Variants in MECOM observed in about 807,000 individuals in gnomAD.
MECOM encodes histone-lysine N-methyltransferase MECOM.
Under a neutral mutation model 116.3 loss-of-function variants are expected in MECOM, and 13 were observed. The observed-to-expected ratio is 0.11, with a 90% CI of 0.07 to 0.18. The LOEUF is 0.18. Among genes scored for constraint, MECOM ranks in the 10% least tolerant of loss-of-function variants. The pLI, the probability that MECOM is intolerant of heterozygous loss-of-function variation, is 1.00. For missense variants in MECOM, 1,299 were observed against 1,509.0 expected (o/e 0.86, Z 2.31); for synonymous variants, 528 against 535.2 (o/e 0.99, Z 0.19).
chr3:169,385,397 C>A (rs1835374), intron 1 of MECOM, among the ~76,000 whole-genome samples: 48,907 of 151,806 alleles, frequency 0.32, 8,209 homozygotes, highest in East Asian at 0.5. Context: ...AACTCACGGA[C>A]CTATTCATCC....
At chr3:169,577,208 C>T (rs1965030) in intron 1 of MECOM, among the ~76,000 whole-genome samples, 9,998 of 152,172 alleles carry the variant, frequency 0.066, 712 homozygotes, top group African/African-American at 0.18. Context: ...AATGAGTTAA[C>T]GTATAAAGAA....
chr3:169,561,572 T>C (rs1481050160), intron 1 of MECOM, among the ~76,000 whole-genome samples: 3 of 152,104 alleles, frequency 2.0e-5, no homozygotes, highest in Non-Finnish European at 4.4e-5. Flanking sequence ...ATAGCAGTAG[T>C]GTAAAAATAT....
At chr3:169,378,459 AAGC>A (rs1560196887) in intron 2 of MECOM, among the ~76,000 whole-genome samples, 7,452 of 59,896 alleles carry the variant, frequency 0.12, 1,292 homozygotes, top group African/African-American at 0.17. Flanking sequence ...GAAGGAAAGC[AAGC>A]AAGCAAGCAA....
intron 1 of MECOM, among the ~76,000 whole-genome samples, chr3:169,524,928 G>A (rs1217450205): frequency 1.1e-4 from 16 of 151,224 alleles, no homozygotes; most frequent in Non-Finnish European, 1.5e-5. Context: ...ATAGCCTGAA[G>A]AACTCTTAGG....
At chr3:169,385,605 A>C (rs962886731) in intron 1 of MECOM, among the ~76,000 whole-genome samples, 1 of 152,244 alleles carries the variant, frequency 6.6e-6, no homozygotes, top group Non-Finnish European at 1.5e-5. Flanking sequence ...CAGCAAATGC[A>C]GTTTATCACA....
chr3:169,155,822 T>C (rs1741880645), intron 2 of MECOM, among the ~76,000 whole-genome samples: 1 of 152,108 alleles, frequency 6.6e-6, no homozygotes, highest in African/African-American at 2.4e-5. Flanking sequence ...AGGTAGGTCC[T>C]TCACTTCTCT....
chr3:169,161,973 T>C (rs2149350255), intron 2 of MECOM, among the ~76,000 whole-genome samples: 1 of 152,324 alleles, frequency 6.6e-6, no homozygotes, highest in East Asian at 1.9e-4. Context: ...GATGAGACCC[T>C]GGACCACAAC....
intron 1 of MECOM, among the ~76,000 whole-genome samples, chr3:169,550,612 C>T (rs968942689): frequency 9.9e-5 from 15 of 152,174 alleles, no homozygotes; most frequent in African/African-American, 3.4e-4. Context: ...TGGGCAGCAA[C>T]AGAACAAAAT....
intron 1 of MECOM, among the ~76,000 whole-genome samples, chr3:169,584,398 T>C (rs1259963656): frequency 7.9e-5 from 12 of 151,278 alleles, no homozygotes; most frequent in Admixed American, 3.9e-4. Context: ...ACCCCGTCTC[T>C]ACTAAAAATA....
chr3:169,454,826 A>G lies in MECOM; in HGVS notation c.38-73302T>C, dbSNP rs181955496. On this transcript the variant is annotated intron_variant, in intron 1 of 16. Transcript: ENST00000651503. ...TAGCATGGCAAAAAACTCAAATAATAATAAGTCCCATAACTAATTATAAAG... is the reference window on the plus strand; with the variant it reads ...TAGCATGGCAAAAAACTCAAATAATGATAAGTCCCATAACTAATTATAAAG... Among the ~76,000 whole-genome samples, 248 of 152,336 alleles carry G rather than the reference A, an allele frequency of 1.6e-3. 3 individuals are homozygous for G. The highest frequency in any genetic ancestry group is 5.1e-3 in the African/African-American group (214 of 41,590).
At chr3:169,313,560 G>A (rs1719187725) in intron 2 of MECOM, among the ~76,000 whole-genome samples, 1 of 152,206 alleles carries the variant, frequency 6.6e-6, no homozygotes, top group African/African-American at 2.4e-5. Context: ...AGGACACCAA[G>A]GACAGAGTGA....
intron 1 of MECOM, among the ~76,000 whole-genome samples, chr3:169,475,361 T>G (rs185469038): frequency 6.6e-6 from 1 of 152,258 alleles, no homozygotes; most frequent in African/African-American, 2.4e-5. Flanking sequence ...ACGGTTGAAG[T>G]GTTTTTTTAA....
chr3:169,615,564 C>T (rs921989978), intron 1 of MECOM, among the ~76,000 whole-genome samples: 1 of 152,188 alleles, frequency 6.6e-6, no homozygotes, highest in Non-Finnish European at 1.5e-5. Flanking sequence ...TTACTCCTCA[C>T]ACACACACCT....
At chr3:169,529,372 T>C (rs1365634509) in intron 1 of MECOM, among the ~76,000 whole-genome samples, 1 of 152,238 alleles carries the variant, frequency 6.6e-6, no homozygotes, top group Non-Finnish European at 1.5e-5. Flanking sequence ...TTGAGGGACC[T>C]TCCCCTATTC....
intron 1 of MECOM, among the ~76,000 whole-genome samples, chr3:169,411,913 C>G (rs1469681302): frequency 1.3e-5 from 2 of 152,040 alleles, no homozygotes; most frequent in South Asian, 2.1e-4. Context: ...ATCGCTTGAA[C>G]CCGGGAGGCA....
At chr3:169,427,714 G>A (rs1010745484) in intron 1 of MECOM, among the ~76,000 whole-genome samples, 1 of 152,214 alleles carries the variant, frequency 6.6e-6, no homozygotes, top group South Asian at 2.1e-4. Flanking sequence ...CCATCACAGA[G>A]AGGAGTTGAG....
chr3:169,128,761 A>G (rs1234739215), intron 4 of MECOM, among the ~76,000 whole-genome samples: 1 of 152,198 alleles, frequency 6.6e-6, no homozygotes, highest in Non-Finnish European at 1.5e-5. Context: ...TAAATAGAAA[A>G]CATATCATTA....
At chr3:169,433,395 G>A (rs1399616650) in intron 1 of MECOM, among the ~76,000 whole-genome samples, 10 of 152,072 alleles carry the variant, frequency 6.6e-5, no homozygotes, top group Non-Finnish European at 1.3e-4. Flanking sequence ...TCAAACTCAG[G>A]AGGCAGAGGT....
At chr3:169,641,524 T>C (rs958196247) in intron 1 of MECOM, among the ~76,000 whole-genome samples, 11 of 152,234 alleles carry the variant, frequency 7.2e-5, no homozygotes, top group African/African-American at 2.7e-4. Context: ...CAAATTGTTA[T>C]TTGTAATATA....
Sources: gnomAD v4.1 joint callset for allele counts (sites outside exome capture counted in the v4.1 genomes callset) on GRCh38, gnomAD v4.1.1 for gene constraint, MANE v1.5 for transcripts, NCBI Gene and HGNC (gene_info 2026-07-23, HGNC 2026-07-21) for gene names.